Variants in SCAPER observed in about 807,000 individuals in gnomAD.
The protein encoded by SCAPER is S phase cyclin A-associated protein in the endoplasmic reticulum.
In SCAPER, 98 loss-of-function variants were observed where a neutral mutation model predicts 182.2. That is an observed-to-expected ratio of 0.54 (90% CI 0.46 to 0.64). The LOEUF (loss-of-function observed/expected upper bound fraction) is 0.64, where lower values mean the gene tolerates loss of function less well. Ranked by LOEUF, SCAPER falls within the 30% of genes least tolerant of loss-of-function variation. The probability of loss-of-function intolerance (pLI) is 0.00; values close to 1 mark genes in which losing one functional copy is unlikely to be tolerated. For synonymous variants in SCAPER, 605 were observed against 564.6 expected (o/e 1.07, Z -1.01); for missense variants, 1,432 against 1,690.0 (o/e 0.85, Z 2.68).
intron 24 of SCAPER, among the ~76,000 whole-genome samples, chr15:76,496,175 T>C (rs2040516168): frequency 6.6e-6 from 1 of 152,090 alleles, no homozygotes; most frequent in African/African-American, 2.4e-5. Context: ...GGCAACTGGC[T>C]TCTAATTTCA....
At chr15:76,457,607 T>G (rs535074733) in intron 25 of SCAPER, among the ~76,000 whole-genome samples, 3 of 152,326 alleles carry the variant, frequency 2.0e-5, no homozygotes, top group Non-Finnish European at 4.4e-5. Flanking sequence ...CACAGTCTCC[T>G]TAAGCTGGTA....
intron 22 of SCAPER, among the ~76,000 whole-genome samples, chr15:76,604,778 C>A (rs1371801197): frequency 2.6e-5 from 4 of 151,608 alleles, no homozygotes; most frequent in Non-Finnish European, 5.9e-5. Context: ...ATTTTATTCT[C>A]TTTGAAGCAA....
rs572193764 is a variant in SCAPER, at chr15:76,526,925, G to A, written c.2839-21951C>T. ...CTGCTCTTGTCGCCCAGGCTGGAGT[G>A]CAGTCGCGCGATCTTGGCTCACTGC... On this transcript the variant is annotated intron_variant, in intron 23 of 31. Coordinates refer to ENST00000563290, the MANE Select transcript of SCAPER (RefSeq NM_020843.4). Among the ~76,000 whole-genome samples the A allele has an allele frequency of 5.9e-5, 9 of 151,964 alleles. No homozygotes were observed. The South Asian group carries it at 1.7e-3, about 28-fold the overall frequency.
In SCAPER at chr15:76,471,718, C is replaced by G. The variant is rs2050186647; in HGVS notation, c.2955-383G>C. Reference sequence around the variant, plus strand: ...TCTATCAAAGCTTCTGTTGCCAGATCACCTGGTCCGGGATAAGAAAGATCA... The same window carrying G: ...TCTATCAAAGCTTCTGTTGCCAGATGACCTGGTCCGGGATAAGAAAGATCA... On this transcript the variant is annotated intron_variant, in intron 24 of 31. Transcript: ENST00000563290. Among the ~76,000 whole-genome samples the G allele has an allele frequency of 3.3e-5, 5 of 152,288 alleles. No individual in the cohort carries two copies. The South Asian group carries it at 1.0e-3, about 32-fold the overall frequency.
chr15:76,587,522 T>C (rs569818775), intron 22 of SCAPER, among the ~76,000 whole-genome samples: 5 of 152,344 alleles, frequency 3.3e-5, no homozygotes, highest in African/African-American at 1.2e-4. Context: ...AATTTCCATC[T>C]TGATTTCATT....
Position 76,765,595 on chromosome 15 carries a change from A to G in SCAPER, c.1463T>C (p.Met488Thr). 6.3e-7 allele frequency: 1 copy of G among 1,590,490 alleles called. No individual in the cohort carries two copies. The change falls in exon 12 of 32, where the codon ATG becomes ACG. Residue 488 changes from methionine to threonine, a missense_variant. Met to Thr is a moderately conservative substitution (Grantham distance 81). Coordinates refer to ENST00000563290, the MANE Select transcript of SCAPER (RefSeq NM_020843.4). ...SGSVSFCGMSMDWNDVLADYE... is the reference protein window; with the variant it reads ...SGSVSFCGMSTDWNDVLADYE... ...ATCTGCAAGGACATCGTTCCAGTCCATGGACATACCACAGAAAGAAACACT... is the reference window on the plus strand; with the variant it reads ...ATCTGCAAGGACATCGTTCCAGTCCGTGGACATACCACAGAAAGAAACACT...
At chr15:76,579,013 A>G (rs1053487267) in intron 22 of SCAPER, among the ~76,000 whole-genome samples, 4 of 152,118 alleles carry the variant, frequency 2.6e-5, no homozygotes, top group African/African-American at 9.7e-5. Flanking sequence ...AAAATAATTT[A>G]AAATAATCTT....
At chr15:76,404,441 C>A in intron 27 of SCAPER, 83 bp downstream of exon 27, 2 of 1,343,418 alleles carry the variant, frequency 1.5e-6, no homozygotes, top group Non-Finnish European at 2.0e-6. Flanking sequence ...CACTTGAATT[C>A]CTATGAAATG....
intron 5 of SCAPER, among the ~76,000 whole-genome samples, chr15:76,820,253 G>A (rs1237006137): frequency 6.6e-6 from 1 of 152,064 alleles, no homozygotes; most frequent in African/African-American, 2.4e-5. Context: ...ATACCCAAAG[G>A]ACTATAAATC....
intron 24 of SCAPER, among the ~76,000 whole-genome samples, chr15:76,486,165 C>T (rs1260360381): frequency 6.6e-6 from 1 of 152,056 alleles, no homozygotes; most frequent in Non-Finnish European, 1.5e-5. Context: ...CGAGATCACG[C>T]CACTGCACTC....
At chr15:76,703,538 A>C (rs2059078556) in intron 18 of SCAPER, among the ~76,000 whole-genome samples, 1 of 152,134 alleles carries the variant, frequency 6.6e-6, no homozygotes, top group Non-Finnish European at 1.5e-5. Flanking sequence ...TGGGGGAAAA[A>C]ACGCTATTTC....
intron 23 of SCAPER, among the ~76,000 whole-genome samples, chr15:76,525,673 T>C (rs1441539323): frequency 6.6e-6 from 1 of 152,170 alleles, no homozygotes; most frequent in Non-Finnish European, 1.5e-5. Flanking sequence ...TTCATGTTGT[T>C]GCAAAGGACA....
In SCAPER at chr15:76,841,896, C is replaced by T. The variant is rs370733264; in HGVS notation, c.231G>A (p.Thr77=). ...TAVDCKITSS[T]TGDKHFDKSP... ...TTTTATCAAAGTGTTTATCTCCAGT[C>T]GTAGACGATGTTATTTTACAGTCCA... The change falls in exon 5 of 32, where the codon ACG becomes ACA. Residue 77 remains threonine, a synonymous_variant. Coordinates refer to ENST00000563290, the MANE Select transcript of SCAPER (RefSeq NM_020843.4). 29 of 1,613,594 alleles carry T rather than the reference C, an allele frequency of 1.8e-5. No homozygotes were observed. The highest frequency in any genetic ancestry group is 2.3e-5 in the Non-Finnish European group (27 of 1,179,830).
intron 2 of SCAPER, among the ~76,000 whole-genome samples, chr15:76,870,739 G>A (rs2072658802): frequency 6.6e-6 from 1 of 151,806 alleles, no homozygotes; most frequent in Admixed American, 6.6e-5. Context: ...TTTTTAAAAA[G>A]GTCAAACATA....
At chr15:76,395,858 A>AT (rs1229121847) in intron 27 of SCAPER, among the ~76,000 whole-genome samples, 4 of 152,238 alleles carry the variant, frequency 2.6e-5, no homozygotes, top group Admixed American at 1.3e-4. Context: ...ATGTGATCCC[A>AT]TTTATCCATT....
At chr15:76,373,078 C>T (rs1303838511) in intron 29 of SCAPER, among the ~76,000 whole-genome samples, 10 of 146,944 alleles carry the variant, frequency 6.8e-5, no homozygotes, top group Non-Finnish European at 1.5e-4. Flanking sequence ...GACAGAGTCT[C>T]GCTCTGTCTC....
rs565896571 is a variant in SCAPER, at chr15:76,596,894, C to T, written c.2712-22610G>A. 6.5e-4 allele frequency among the ~76,000 whole-genome samples: 78 copies of T among 120,648 alleles called. 12 individuals are homozygous for T. Among genetic ancestry groups the T allele is most frequent in the African/African-American group, 1.7e-3 (69 of 39,802 alleles). The allele number at this position is 120,648 out of a possible 152,430, so 79.1% of individuals were successfully genotyped here. On this transcript the variant is annotated intron_variant, in intron 22 of 31. Transcript: ENST00000563290. Reference sequence around the variant, plus strand: ...AGCTGGAAGCATTCCCTCTGAAAACCGGCAAAGACAAGGATGCCCTCTCTC... The same window carrying T: ...AGCTGGAAGCATTCCCTCTGAAAACTGGCAAAGACAAGGATGCCCTCTCTC...
At chr15:76,826,891 C>T (rs1362928416) in intron 5 of SCAPER, among the ~76,000 whole-genome samples, 1 of 152,160 alleles carries the variant, frequency 6.6e-6, no homozygotes, top group African/African-American at 2.4e-5. Flanking sequence ...AGCTTCCCAT[C>T]AGTAAGATAA....
At chr15:76,690,313 T>C (rs181011198) in intron 20 of SCAPER, among the ~76,000 whole-genome samples, 26 of 152,196 alleles carry the variant, frequency 1.7e-4, no homozygotes, top group African/African-American at 6.0e-4. Flanking sequence ...AGAGACATTC[T>C]GCAAAATGCC....
Sources: gnomAD v4.1 joint callset for allele counts (sites outside exome capture counted in the v4.1 genomes callset) on GRCh38, gnomAD v4.1.1 for gene constraint, MANE v1.5 for transcripts, NCBI Gene and HGNC (gene_info 2026-07-23, HGNC 2026-07-21) for gene names.